ANOS1: variants seen among roughly 807,000 people sequenced by gnomAD.
The protein encoded by ANOS1 is anosmin-1.
Under a neutral mutation model 59.0 loss-of-function variants are expected in ANOS1, and 6 were observed. That is an observed-to-expected ratio of 0.10 (90% CI 0.06 to 0.20). The LOEUF (loss-of-function observed/expected upper bound fraction) is 0.20. Ranked by LOEUF, ANOS1 falls within the 10% of genes least tolerant of loss-of-function variation. The pLI is 1.00. For missense variants in ANOS1, 433 were observed against 542.3 expected (o/e 0.80, Z 2.00); for synonymous variants, 217 against 223.4 (o/e 0.97, Z 0.25).
At chrX:8,606,451 CTTAATA>C (rs1930944981) in intron 3 of ANOS1, among the ~76,000 whole-genome samples, 1 of 112,354 alleles carries the variant, frequency 8.9e-6, no homozygotes, top group South Asian at 3.7e-4. Flanking sequence ...TTATCTTGAA[CTTAATA>C]TTAGAACATC....
intron 2 of ANOS1, among the ~76,000 whole-genome samples, chrX:8,689,067 T>C (rs1291508472): frequency 1.8e-5 from 2 of 111,537 alleles, no homozygotes; most frequent in African/African-American, 6.5e-5. Context: ...AAATCTCTAA[T>C]TGTTTAAATC....
intron 1 of ANOS1, among the ~76,000 whole-genome samples, chrX:8,723,400 A>G (rs1448419374): frequency 6.2e-5 from 7 of 112,410 alleles, no homozygotes; most frequent in African/African-American, 2.3e-4. Context: ...AAGTAGGCTA[A>G]GGACATAAAT....
chrX:8,691,494 G>T (rs1432610132), intron 2 of ANOS1, among the ~76,000 whole-genome samples: 1 of 109,841 alleles, frequency 9.1e-6, no homozygotes, highest in Middle Eastern at 4.3e-3. Flanking sequence ...ATGATAGACA[G>T]ATTAAGATGG....
intron 2 of ANOS1, among the ~76,000 whole-genome samples, chrX:8,665,992 AG>A (rs1283593504): frequency 9.0e-6 from 1 of 110,888 alleles, no homozygotes; most frequent in Non-Finnish European, 1.9e-5. Flanking sequence ...GCTTGACCCC[AG>A]GGGTTCAAGA....
chrX:8,538,406 C>T lies in ANOS1; in HGVS notation c.1449+1258G>A, dbSNP rs769977287. Among the ~76,000 whole-genome samples, 9 of 111,928 alleles carry T rather than the reference C, an allele frequency of 8.0e-5. No individual in the cohort carries two copies. In the East Asian group the frequency reaches 2.5e-3, roughly 31 times the overall value. ...AAACTAAATACAGATAAGTTCTAAA[C>T]CCCTAGAAGGATAATTTTTCAGGAG... On this transcript the variant is annotated intron_variant, in intron 10 of 13. Coordinates refer to ENST00000262648, the MANE Select transcript of ANOS1 (RefSeq NM_000216.4).
intron 10 of ANOS1, among the ~76,000 whole-genome samples, 197 bp downstream of exon 10, chrX:8,539,467 A>G (rs1400909152): frequency 9.0e-6 from 1 of 110,785 alleles, no homozygotes; most frequent in African/African-American, 3.3e-5. Context: ...TGGATAACAG[A>G]GTAAGCTCCC....
intron 8 of ANOS1, among the ~76,000 whole-genome samples, chrX:8,566,965 C>G (rs1267328258): frequency 7.2e-5 from 8 of 111,614 alleles, no homozygotes; most frequent in Non-Finnish European, 1.1e-4. Context: ...CTGTCCTGAT[C>G]AAAGGCAGCT....
intron 2 of ANOS1, among the ~76,000 whole-genome samples, chrX:8,661,168 T>C (rs181217660): frequency 1.6e-4 from 18 of 110,910 alleles, no homozygotes; most frequent in Non-Finnish European, 1.3e-4. Flanking sequence ...TCTGTGTGTG[T>C]CTATGTCCTC....
rs1344417882 is a variant in ANOS1, at chrX:8,571,333, G to A, written c.857-629C>T. ...AATTGACATATTTTAGTAAAATATA[G>A]TACAATTCAATGTGGGTGAATTGAC... On this transcript the variant is annotated intron_variant, in intron 6 of 13. Coordinates refer to ENST00000262648, the MANE Select transcript of ANOS1 (RefSeq NM_000216.4). Among the ~76,000 whole-genome samples, 3 of 111,004 alleles carry A rather than the reference G, an allele frequency of 2.7e-5. No individual in the cohort carries two copies. In the East Asian group the frequency reaches 8.4e-4, roughly 31 times the overall value.
intron 8 of ANOS1, among the ~76,000 whole-genome samples, chrX:8,560,076 G>A (rs1360765002): frequency 1.8e-5 from 2 of 111,754 alleles, no homozygotes; most frequent in African/African-American, 3.3e-5. Context: ...TTTTATTTAC[G>A]TCAATACAGT....
At chrX:8,537,761 T>C (rs1370143721) in intron 10 of ANOS1, among the ~76,000 whole-genome samples, 1 of 80,160 alleles carries the variant, frequency 1.2e-5, no homozygotes, top group Admixed American at 1.4e-4. Context: ...TGTGTGTGTG[T>C]GTGTGTGTGT....
intron 2 of ANOS1, among the ~76,000 whole-genome samples, chrX:8,631,286 C>G (rs1419560302): frequency 3.6e-5 from 4 of 112,066 alleles, no homozygotes; most frequent in African/African-American, 9.7e-5. Flanking sequence ...CCTTTTACAA[C>G]CATTTCCTGA....
chrX:8,576,001 C>G (rs1930314130), intron 6 of ANOS1, among the ~76,000 whole-genome samples: 1 of 111,393 alleles, frequency 9.0e-6, no homozygotes, highest in Admixed American at 9.6e-5. Flanking sequence ...CCTAGCTACT[C>G]AGGAGGCTGA....
intron 2 of ANOS1, among the ~76,000 whole-genome samples, chrX:8,637,856 A>T (rs1931596863): frequency 8.9e-6 from 1 of 112,431 alleles, no homozygotes; most frequent in South Asian, 3.7e-4. Flanking sequence ...GCAGCATTTG[A>T]AGGCAAAAAG....
At position 8,713,411 on chromosome X, in the gene ANOS1, C is replaced by T. The variant is rs776203333; in HGVS notation, c.208-13666G>A. ...GTACTGGAACCAGTGATATCAGCCT[C>T]ACCTGGAAGCTTTTGCAAATTCTGG... is the stretch of plus-strand genomic sequence containing the variant. On this transcript the variant is annotated intron_variant, in intron 1 of 13. Transcript: ENST00000262648. 5.4e-4 allele frequency among the ~76,000 whole-genome samples: 60 copies of T among 110,209 alleles called. 1 individual carries two copies. The highest frequency in any genetic ancestry group is 1.8e-3 in the African/African-American group (56 of 30,317).
rs2302354 is a variant in ANOS1, at chrX:8,534,497, A to G, written c.1843-37T>C. Reference sequence around the variant, plus strand: ...ACATAAAAGAGCATGCTCACCGACAACCTTTCAGAGACAACATGCAATGCA... The same window carrying G: ...ACATAAAAGAGCATGCTCACCGACAGCCTTTCAGAGACAACATGCAATGCA... On this transcript the variant is annotated intron_variant, in intron 12 of 13. Transcript: ENST00000262648. 18 of 1,192,104 alleles carry G rather than the reference A, an allele frequency of 1.5e-5. No individual in the cohort carries two copies. In the East Asian group the frequency reaches 4.2e-4, roughly 28 times the overall value.
chrX:8,685,648 GAAAGAAAGAA>G (rs1569082650), intron 2 of ANOS1, among the ~76,000 whole-genome samples: 40 of 96,694 alleles, frequency 4.1e-4, no homozygotes, highest in Non-Finnish European at 7.0e-4. Context: ...AAGAAAGAAA[GAAAGAAAGAA>G]AAAGAAAGGA....
chrX:8,697,408 T>G (rs1932699315), intron 2 of ANOS1, among the ~76,000 whole-genome samples: 1 of 111,327 alleles, frequency 9.0e-6, no homozygotes, highest in Non-Finnish European at 1.9e-5. Context: ...ACTTATATGT[T>G]TGAAGGGTCT....
At chrX:8,718,369 GC>G (rs1932853798) in intron 1 of ANOS1, among the ~76,000 whole-genome samples, 1 of 111,293 alleles carries the variant, frequency 9.0e-6, no homozygotes, top group African/African-American at 3.3e-5. Context: ...GCCCCAAATA[GC>G]TTTAGTAGCC....
Sources: gnomAD v4.1 joint callset for allele counts (sites outside exome capture counted in the v4.1 genomes callset) on GRCh38, gnomAD v4.1.1 for gene constraint, MANE v1.5 for transcripts, NCBI Gene and HGNC (gene_info 2026-07-23, HGNC 2026-07-21) for gene names.